The following NCEH1 variants were observed in gnomAD, a reference collection of about 807,000 sequenced individuals.
NCEH1 encodes the protein neutral cholesterol ester hydrolase 1.
Under a neutral mutation model 25.4 loss-of-function variants are expected in NCEH1, and 9 were observed. The ratio of observed to expected loss-of-function variants is 0.35; its 90% CI spans 0.21 to 0.62. The LOEUF (loss-of-function observed/expected upper bound fraction) is 0.62. NCEH1 is among the 20% of genes least tolerant of loss of function. The pLI is 0.72. For synonymous variants in NCEH1, 200 were observed against 199.8 expected, an observed-to-expected ratio of 1.00 and a Z score of -0.01; for missense variants, 412 against 501.1, an observed-to-expected ratio of 0.82 and a Z score of 1.70.
intron 3 of NCEH1, among the ~76,000 whole-genome samples, chr3:172,640,663 G>A (rs1440583951): frequency 2.6e-5 from 4 of 152,140 alleles, no homozygotes; most frequent in African/African-American, 7.2e-5. Flanking sequence ...GCCCGCCACC[G>A]CACCTGGCTA....
At chr3:172,653,752 G>GTTTTTTT (rs375874414) in intron 1 of NCEH1, among the ~76,000 whole-genome samples, 1 of 83,840 alleles carries the variant, frequency 1.2e-5, no homozygotes, top group Non-Finnish European at 2.8e-5. Flanking sequence ...TTGTTTTTTT[G>GTTTTTTT]TTTTTTTGTT....
At chr3:172,685,200 G>A (rs908750372) in intron 1 of NCEH1, among the ~76,000 whole-genome samples, 1 of 150,862 alleles carries the variant, frequency 6.6e-6, no homozygotes, top group African/African-American at 2.4e-5. Flanking sequence ...AGGCTGAGAT[G>A]GGAGGATGGC....
At chr3:172,692,524 AT>A (rs34654558) in intron 1 of NCEH1, among the ~76,000 whole-genome samples, 17 of 148,338 alleles carry the variant, frequency 1.1e-4, no homozygotes, top group South Asian at 2.2e-4. Context: ...CACCTGGCTA[AT>A]TTTTTTTTTT....
intron 1 of NCEH1, among the ~76,000 whole-genome samples, chr3:172,658,349 A>G (rs1212260225): frequency 6.6e-6 from 1 of 152,228 alleles, no homozygotes; most frequent in Admixed American, 6.5e-5. Context: ...GTGGATCGCC[A>G]TCTGGCTAGG....
In NCEH1 at chr3:172,648,108, G is replaced by T; in HGVS notation, c.145C>A (p.Leu49Met). Residue 49 changes from leucine to methionine, a missense_variant, in exon 2 of 5, where the codon CTG becomes ATG. Leu to Met is a conservative substitution (Grantham distance 15). Around this residue, in one of 3 missense-constraint regions of NCEH1, gnomAD observed 178 missense variants for 189.2 expected, o/e 0.94. Coordinates refer to ENST00000475381, the MANE Select transcript of NCEH1 (RefSeq NM_020792.6). ...TFRGAQQVSN[L>M]IHYLGLSHHL... is the part of the protein sequence containing the mutation. ...TGGCTCAGTCCCAGGTAGTGGATCA[G>T]GTTACTCTGCAGGGCGAGGGAGGAA... 6.2e-7 allele frequency: 1 copy of T among 1,614,106 alleles called. No homozygotes were observed. The highest frequency in any genetic ancestry group is 8.5e-7 in the Non-Finnish European group (1 of 1,180,012).
In NCEH1 at chr3:172,675,634, T is replaced by A. The variant is rs1711953086; in HGVS notation, c.139-27520A>T. Among the ~76,000 whole-genome samples the A allele has an allele frequency of 3.3e-5, 5 of 152,356 alleles. No individual in the cohort carries two copies. In the South Asian group the frequency reaches 8.3e-4, roughly 25 times the overall value. On this transcript the variant is annotated intron_variant, in intron 1 of 4. Transcript: ENST00000475381. The stretch of plus-strand genomic sequence containing the variant: ...TGCTAAAGTTACTTTAGACATCCAA[T>A]AACGTATTTCTCTCAATCATACTGC...
intron 1 of NCEH1, among the ~76,000 whole-genome samples, chr3:172,675,006 T>C (rs1402438910): frequency 6.6e-6 from 1 of 152,152 alleles, no homozygotes; most frequent in Non-Finnish European, 1.5e-5. Context: ...AGAAATACAT[T>C]TTATATAAGA....
chr3:172,708,366 T>TA (rs1294888478), intron 1 of NCEH1, among the ~76,000 whole-genome samples: 1 of 152,162 alleles, frequency 6.6e-6, no homozygotes, highest in Non-Finnish European at 1.5e-5. Flanking sequence ...TATTTATATA[T>TA]TTTTTTGAGA....
At chr3:172,691,107 T>C (rs981194352) in intron 1 of NCEH1, among the ~76,000 whole-genome samples, 3 of 152,206 alleles carry the variant, frequency 2.0e-5, no homozygotes, top group Admixed American at 2.0e-4. Context: ...ACAACTTGTC[T>C]GTCTTGTCTG....
chr3:172,686,499 T>C (rs1277839048), intron 1 of NCEH1, among the ~76,000 whole-genome samples: 2 of 152,202 alleles, frequency 1.3e-5, no homozygotes, highest in African/African-American at 4.8e-5. Flanking sequence ...TGATCTTACG[T>C]CCAATTGTAT....
At chr3:172,658,818 T>C (rs1050648010) in intron 1 of NCEH1, among the ~76,000 whole-genome samples, 3 of 150,158 alleles carry the variant, frequency 2.0e-5, no homozygotes, top group South Asian at 2.1e-4. Flanking sequence ...AAGGATAAGG[T>C]TGTCTCTTTC....
chr3:172,704,057 T>C (rs1713845883), intron 1 of NCEH1, among the ~76,000 whole-genome samples: 1 of 151,772 alleles, frequency 6.6e-6, no homozygotes, highest in Admixed American at 6.6e-5. Context: ...TAAATTCACC[T>C]GACAATAGTA....
At chr3:172,686,272 C>G (rs1048610685) in intron 1 of NCEH1, among the ~76,000 whole-genome samples, 2 of 152,162 alleles carry the variant, frequency 1.3e-5, no homozygotes, top group African/African-American at 4.8e-5. Flanking sequence ...GGGCTCCAAC[C>G]CAGCTGAGTC....
chr3:172,706,499 C>CTTTTCTTTTT (rs1713996901), intron 1 of NCEH1, among the ~76,000 whole-genome samples: 1 of 126,466 alleles, frequency 7.9e-6, no homozygotes, highest in African/African-American at 3.1e-5. Context: ...TTACATTTTT[C>CTTTTCTTTTT]TTTTTTTTTT....
chr3:172,635,857 T>C, intron 4 of NCEH1, 59 bp downstream of exon 4: 1 of 1,499,594 alleles, frequency 6.7e-7, no homozygotes. Context: ...GGTGTGTTGG[T>C]CTGCTAGACC....
At position 172,630,578 on chromosome 3, in the gene NCEH1, T is replaced by G. The variant is rs1716301030; in HGVS notation, c.*2897A>C. 1 of 152,188 alleles carries G rather than the reference T, an allele frequency of 6.6e-6. No homozygotes were observed. The allele number at this position is 152,188 out of a possible 1,614,324, so 9.4% of individuals were successfully genotyped here. On this transcript the variant is annotated 3_prime_UTR_variant, in exon 5 of 5. Coordinates refer to ENST00000475381, the MANE Select transcript of NCEH1 (RefSeq NM_020792.6). ...TTGGGAAAGAATTGTGGCTGGCAAT[T>G]TGGCATACAGAAAGAAGAGAAGAGA...
chr3:172,691,285 T>C (rs1367373166), intron 1 of NCEH1, among the ~76,000 whole-genome samples: 3 of 152,196 alleles, frequency 2.0e-5, no homozygotes, highest in African/African-American at 4.8e-5. Flanking sequence ...CCTCAGACCA[T>C]CACTCCTGCC....
chr3:172,688,943 TA>T (rs1219426886), intron 1 of NCEH1, among the ~76,000 whole-genome samples: 2 of 152,236 alleles, frequency 1.3e-5, no homozygotes, highest in Non-Finnish European at 2.9e-5. Context: ...TCAGAGCACG[TA>T]AATGTCTTCA....
At chr3:172,662,397 G>T (rs537919021) in intron 1 of NCEH1, among the ~76,000 whole-genome samples, 2 of 152,260 alleles carry the variant, frequency 1.3e-5, no homozygotes, top group African/African-American at 4.8e-5. Context: ...TTTTTGCATC[G>T]ATGTTCATCA....
Sources: allele counts gnomAD v4.1 joint callset (sites outside exome capture counted in the v4.1 genomes callset), GRCh38; gene constraint gnomAD v4.1.1; regional missense constraint gnomAD v4.1.1; transcripts MANE v1.5; gene names NCBI Gene and HGNC (gene_info 2026-07-23, HGNC 2026-07-21).